The following CELF1 variants were observed in gnomAD, a reference collection of about 807,000 sequenced individuals.
CELF1 encodes the protein 50 kDa nuclear polyadenylated RNA-binding protein.
In CELF1, 10 loss-of-function variants were observed where a neutral mutation model predicts 61.8. The observed-to-expected ratio is 0.16, with a 90% confidence interval of 0.10 to 0.27. The LOEUF (loss-of-function observed/expected upper bound fraction) is 0.27. CELF1 is among the 10% of genes least tolerant of loss of function. CELF1 has a pLI of 1.00. For synonymous variants in CELF1, 236 were observed against 225.1 expected (o/e 1.05, Z -0.43); for missense variants, 380 against 639.1 (o/e 0.59, Z 4.37).
At chr11:47,545,849 ACGTGTGTGTGTGTGTGTCTG>A (rs1338377567) in intron 1 of CELF1, among the ~76,000 whole-genome samples, 175 of 138,006 alleles carry the variant, frequency 1.3e-3, no homozygotes, top group African/African-American at 3.7e-3. Context: ...TCATATGTAT[ACGTGTGTGTGTGTGTGTCTG>A]CGTGTGTGTG....
At chr11:47,510,986 A>C (rs1456748342) in intron 1 of CELF1, among the ~76,000 whole-genome samples, 1 of 152,036 alleles carries the variant, frequency 6.6e-6, no homozygotes, top group Non-Finnish European at 1.5e-5. Context: ...GTTTGAGACC[A>C]GCCTGGGCAA....
At chr11:47,496,891 T>C (rs1370436964) in intron 3 of CELF1, among the ~76,000 whole-genome samples, 1 of 152,180 alleles carries the variant, frequency 6.6e-6, no homozygotes, top group Non-Finnish European at 1.5e-5. Flanking sequence ...GATTTTAGAT[T>C]AAGTGAATGA....
intron 1 of CELF1, chr11:47,523,330 T>C (rs1200805051): frequency 6.6e-6 from 1 of 152,164 alleles, no homozygotes; most frequent in Admixed American, 6.5e-5. Context: ...CAATGATTCA[T>C]AGTATAAATG....
At chr11:47,484,664 G>T in intron 6 of CELF1, 141 bp from the exon 7 acceptor site, 1 of 671,778 alleles carries the variant, frequency 1.5e-6, no homozygotes, top group Non-Finnish European at 2.4e-6. Context: ...TTTGTTTTTT[G>T]TATTTTTCAC....
At chr11:47,501,760 CTG>C (rs2093936095) in intron 1 of CELF1, among the ~76,000 whole-genome samples, 1 of 152,004 alleles carries the variant, frequency 6.6e-6, no homozygotes, top group South Asian at 2.1e-4. Flanking sequence ...GAGGCAGAGG[CTG>C]TGGTGAGCTG....
intron 13 of CELF1, among the ~76,000 whole-genome samples, chr11:47,473,911 CTTTCT>C (rs2153371886): frequency 1.1e-5 from 1 of 90,352 alleles, no homozygotes; most frequent in Non-Finnish European, 2.0e-5. Context: ...CTTTTTTTTT[CTTTCT>C]TTTTTTTTGA....
intron 7 of CELF1, 69 bp downstream of exon 7, chr11:47,484,317 CAAA>C: frequency 2.8e-5 from 35 of 1,271,600 alleles, no homozygotes; most frequent in South Asian, 4.0e-5. Context: ...ACCTTGTCTC[CAAA>C]AAAAAAAAAA....
intron 1 of CELF1, among the ~76,000 whole-genome samples, chr11:47,530,673 G>A (rs2096438572): frequency 6.6e-6 from 1 of 152,164 alleles, no homozygotes; most frequent in African/African-American, 2.4e-5. Flanking sequence ...AGAGGAAAAA[G>A]GCTGGGTACA....
chr11:47,477,585 T>C (rs2080839612), intron 10 of CELF1, 160 bp from the exon 11 acceptor site: 1 of 627,438 alleles, frequency 1.6e-6, no homozygotes, highest in Non-Finnish European at 2.7e-6. Context: ...AAATGATTCA[T>C]GTATCACTCA....
rs539183522 is a variant in CELF1 at position 47,466,124 on chromosome 11, A to G, written c.*6106T>C. 2.2e-4 allele frequency: 33 copies of G among 151,868 alleles called. No individual in the cohort carries two copies. The East Asian group carries it at 4.6e-3, about 21-fold the overall frequency. The allele number at this position is 151,868 out of a possible 1,614,324, so 9.4% of individuals were successfully genotyped here. On this transcript the variant is annotated 3_prime_UTR_variant, in exon 15 of 15. Transcript: ENST00000687097. ...ACACATACTCCCTTGCTCCAAACTT[A>G]TAACAATTTTTTTTTCTTTTTAAAT...
chr11:47,541,774 GAAAGAAC>G, intron 1 of CELF1, among the ~76,000 whole-genome samples: 1 of 10,492 alleles, frequency 9.5e-5, no homozygotes, highest in African/African-American at 2.2e-4. Flanking sequence ...AAGAACGAAA[GAAAGAAC>G]GAAAGAAAGA....
At chr11:47,498,634 C>T (rs1403355833) in intron 3 of CELF1, among the ~76,000 whole-genome samples, 1 of 152,108 alleles carries the variant, frequency 6.6e-6, no homozygotes, top group African/African-American at 2.4e-5. Flanking sequence ...GCTGGAGGTT[C>T]CAAAATACTC....
chr11:47,483,252 A>C (rs1009744231), intron 8 of CELF1, among the ~76,000 whole-genome samples: 4 of 152,166 alleles, frequency 2.6e-5, no homozygotes, highest in Non-Finnish European at 4.4e-5. Context: ...GTGACAAAGT[A>C]AGACCCCATC....
intron 9 of CELF1, among the ~76,000 whole-genome samples, chr11:47,481,096 C>T (rs201508404): frequency 0.073 from 4,038 of 55,434 alleles, 16 homozygotes; most frequent in Non-Finnish European, 0.11. Context: ...TTTTTTTTTT[C>T]TTCTTCTTTT....
rs560034534 is a variant in CELF1, at chr11:47,519,943, A to T, written c.-153-19011T>A. 1.1e-3 allele frequency among the ~76,000 whole-genome samples: 172 copies of T among 151,998 alleles called. 1 individual carries two copies. The highest frequency in any genetic ancestry group is 3.9e-3 in the Admixed American group (60 of 15,258). On this transcript the variant is annotated intron_variant, in intron 1 of 14. Coordinates refer to ENST00000687097, the MANE Select transcript of CELF1 (RefSeq NM_001376376.1). ...CACATCCTTCAAATCACTCCTAAAA[A>T]AACTCAACTGTTCCACAAAATTTAA...
At chr11:47,485,350 T>G (rs1158559926) in intron 6 of CELF1, among the ~76,000 whole-genome samples, 1 of 152,070 alleles carries the variant, frequency 6.6e-6, no homozygotes, top group Non-Finnish European at 1.5e-5. Flanking sequence ...CCAGCTAATT[T>G]TTTGCAGAGA....
intron 10 of CELF1, chr11:47,477,738 TGCCAAAACCTACA>T (rs2080900582): frequency 3.7e-6 from 1 of 267,686 alleles, no homozygotes; most frequent in East Asian, 8.1e-5. Flanking sequence ...AGGAGAACAA[TGCCAAAACCTACA>T]GCACAGAATG....
At chr11:47,515,157 A>G (rs2095487493) in intron 1 of CELF1, among the ~76,000 whole-genome samples, 1 of 152,216 alleles carries the variant, frequency 6.6e-6, no homozygotes, top group Non-Finnish European at 1.5e-5. Flanking sequence ...TCTACCTATC[A>G]TTGCAGTTTG....
At chr11:47,513,859 G>A (rs556990585) in intron 1 of CELF1, 2 of 150,866 alleles carry the variant, frequency 1.3e-5, no homozygotes, top group East Asian at 3.9e-4. Flanking sequence ...ACCATATTTT[G>A]GTTTATCTTC....
Sources: allele counts gnomAD v4.1 joint callset (sites outside exome capture counted in the v4.1 genomes callset), GRCh38; gene constraint gnomAD v4.1.1; transcripts MANE v1.5; gene names NCBI Gene and HGNC (gene_info 2026-07-23, HGNC 2026-07-21).